The following TLK1 variants were observed in gnomAD, a reference collection of about 807,000 sequenced individuals.
TLK1 encodes the protein tousled like kinase 1.
TLK1 carries 24 observed loss-of-function variants against 105.3 expected under a neutral mutation model. The observed-to-expected ratio is 0.23, with a 90% CI of 0.17 to 0.32. The LOEUF (loss-of-function observed/expected upper bound fraction) is 0.32, where lower values mean the gene tolerates loss of function less well. Among genes scored for constraint, TLK1 ranks in the 10% least tolerant of loss-of-function variants. The pLI is 1.00. For missense variants in TLK1, 558 were observed against 910.5 expected, an observed-to-expected ratio of 0.61 and a Z score of 4.98; for synonymous variants, 321 against 310.4, an observed-to-expected ratio of 1.03 and a Z score of -0.36.
intron 2 of TLK1, among the ~76,000 whole-genome samples, chr2:171,093,132 T>C (rs1294351962): frequency 6.6e-6 from 1 of 152,220 alleles, no homozygotes; most frequent in Non-Finnish European, 1.5e-5. Context: ...TGATTTCTTA[T>C]AATAAAAGGA....
At chr2:171,055,039 GT>G in intron 7 of TLK1, 43 bp downstream of exon 7, 1 of 1,180,280 alleles carries the variant, frequency 8.5e-7, no homozygotes, top group Non-Finnish European at 1.2e-6. Context: ...TTAGTCAATG[GT>G]TTCTTAGAAG....
intron 12 of TLK1, among the ~76,000 whole-genome samples, chr2:171,024,532 T>C (rs1414678865): frequency 6.6e-6 from 1 of 152,152 alleles, no homozygotes; most frequent in Non-Finnish European, 1.5e-5. Context: ...AAGCAAACAG[T>C]CCAGTACTTA....
Position 171,160,229 on chromosome 2 carries a change from GC to G in TLK1, c.139+60del. ...GGGGCGGGGGGGGCGGGGGGGGGGC[GC>G]GGGGGTCCGCGGCGCGGGAGAGGAG... On this transcript the variant is annotated intron_variant, in intron 1 of 20. Coordinates refer to ENST00000431350, the MANE Select transcript of TLK1 (RefSeq NM_012290.5). The surrounding 1 kb of genome is among the most constrained non-coding windows in gnomAD (Gnocchi z 4.4). 1 of 1,272,780 alleles carries G rather than the reference GC, an allele frequency of 7.9e-7. No individual in the cohort carries two copies. The highest frequency in any genetic ancestry group is 1.0e-6 in the Non-Finnish European group (1 of 997,932). The allele number at this position is 1,272,780 out of a possible 1,614,324, so 78.8% of individuals were successfully genotyped here. A position where few individuals can be genotyped will look rare whatever the true frequency, so the allele number is the denominator to read the frequency against.
chr2:171,101,987 T>A (rs943813739), intron 2 of TLK1, among the ~76,000 whole-genome samples: 2 of 152,206 alleles, frequency 1.3e-5, no homozygotes, highest in Non-Finnish European at 2.9e-5. Flanking sequence ...ACAGGCTACT[T>A]TGGTTTCTTT....
At chr2:171,071,461 G>C (rs1423223260) in intron 3 of TLK1, among the ~76,000 whole-genome samples, 1 of 152,022 alleles carries the variant, frequency 6.6e-6, no homozygotes. Context: ...CTAATTTTTT[G>C]TATTTTTAGT....
chr2:171,012,636 G>A (rs1244088658), intron 13 of TLK1, among the ~76,000 whole-genome samples: 1 of 152,026 alleles, frequency 6.6e-6, no homozygotes, highest in East Asian at 1.9e-4. Context: ...GTGCCACCAC[G>A]CCCAGCTAAT....
chr2:171,066,058 C>T (rs895813854), intron 3 of TLK1, among the ~76,000 whole-genome samples: 6 of 152,248 alleles, frequency 3.9e-5, no homozygotes, highest in African/African-American at 4.8e-5. Context: ...TATGCACATC[C>T]GAATTCAAGG....
chr2:171,211,219 C>G (rs561322980), intron 1 of TLK1, among the ~76,000 whole-genome samples: 107 of 152,260 alleles, frequency 7.0e-4, no homozygotes, highest in Middle Eastern at 6.8e-3. Flanking sequence ...TGCTGTAGAG[C>G]CTTTCATGCG....
At chr2:171,000,376 C>CAAAAAA (rs34800888) in intron 18 of TLK1, among the ~76,000 whole-genome samples, 1 of 78,378 alleles carries the variant, frequency 1.3e-5, no homozygotes, top group Non-Finnish European at 2.5e-5. Flanking sequence ...GAAACTCTGT[C>CAAAAAA]AAAAAAAAAA....
intron 1 of TLK1, among the ~76,000 whole-genome samples, chr2:171,121,716 A>G (rs888659503): frequency 6.6e-6 from 1 of 152,178 alleles, no homozygotes. Flanking sequence ...TTGATGGCAC[A>G]CTGAAATTTA....
intron 1 of TLK1, among the ~76,000 whole-genome samples, chr2:171,122,428 AT>A (rs1690691052): frequency 6.6e-6 from 1 of 152,184 alleles, no homozygotes; most frequent in African/African-American, 2.4e-5. Context: ...CTTATAAGAA[AT>A]GCAAAATCAT....
intron 11 of TLK1, among the ~76,000 whole-genome samples, chr2:171,043,533 T>C (rs1686793870): frequency 6.6e-6 from 1 of 152,138 alleles, no homozygotes; most frequent in Non-Finnish European, 1.5e-5. Context: ...AAAATGACTC[T>C]ACGACATGAA....
intron 12 of TLK1, among the ~76,000 whole-genome samples, chr2:171,026,690 T>C (rs1225059731): frequency 6.6e-6 from 1 of 152,104 alleles, no homozygotes; most frequent in African/African-American, 2.4e-5. Flanking sequence ...ATATGAGACA[T>C]AAAGCATAGG....
At chr2:171,072,558 G>A (rs770947882) in intron 3 of TLK1, among the ~76,000 whole-genome samples, 16 of 152,242 alleles carry the variant, frequency 1.1e-4, no homozygotes, top group South Asian at 6.2e-4. Context: ...AAGAGTTTGA[G>A]GCCAGCCTGG....
Position 171,046,275 on chromosome 2 carries a change from A to G in TLK1, c.1068T>C (p.Asn356=). Residue 356 remains asparagine (N), a synonymous_variant, in exon 11 of 21, where the codon AAT becomes AAC. Transcript: ENST00000431350. ...CAGAATTGGTAGAGGGTGCCTGAGA[A>G]TTATTAGCTGTGGGAGGTTTGCGTT... ...LAKRKPPTAN[N]SQAPSTNSEP... is the part of the protein sequence containing the mutation. 2 of 1,613,658 alleles carry G rather than the reference A, an allele frequency of 1.2e-6. No individual in the cohort carries two copies. The highest frequency in any genetic ancestry group is 3.3e-4 in the Middle Eastern group (2 of 6,034).
At chr2:171,137,733 C>T (rs1378324943) in intron 1 of TLK1, among the ~76,000 whole-genome samples, 1 of 151,974 alleles carries the variant, frequency 6.6e-6, no homozygotes, top group Non-Finnish European at 1.5e-5. Context: ...CCTGTAGTCC[C>T]AGCTACTCGG....
intron 1 of TLK1, among the ~76,000 whole-genome samples, chr2:171,134,581 T>C (rs1023652786): frequency 6.6e-6 from 1 of 151,932 alleles, no homozygotes; most frequent in East Asian, 1.9e-4. Flanking sequence ...CTGAAATCAT[T>C]ATGTTAAGGA....
At chr2:171,081,963 A>T (rs1203122890) in intron 3 of TLK1, among the ~76,000 whole-genome samples, 1 of 152,088 alleles carries the variant, frequency 6.6e-6, no homozygotes, top group Admixed American at 6.6e-5. Flanking sequence ...AGTAGAAAAA[A>T]GTCTATACTA....
At chr2:171,015,256 CAT>C (rs1287132501) in intron 12 of TLK1, among the ~76,000 whole-genome samples, 1 of 151,498 alleles carries the variant, frequency 6.6e-6, no homozygotes, top group Non-Finnish European at 1.5e-5. Flanking sequence ...ACTGACATAA[CAT>C]AAAATGAGCC....
Sources: gnomAD v4.1 joint callset for allele counts (sites outside exome capture counted in the v4.1 genomes callset) on GRCh38, gnomAD v4.1.1 for gene constraint, Gnocchi (gnomAD v3.1) non-coding constraint, MANE v1.5 for transcripts, NCBI Gene and HGNC (gene_info 2026-07-23, HGNC 2026-07-21) for gene names.